UMAD1: variants seen among roughly 807,000 people sequenced by gnomAD.
UMAD1 encodes UBAP1-MVB12-associated (UMA) domain containing 1.
A neutral mutation model predicts 6.1 loss-of-function variants in UMAD1; 8 were observed. That is an observed-to-expected ratio of 1.30 (90% CI 0.76 to 2.35). UMAD1 has a LOEUF of 2.35. Ranked by LOEUF, UMAD1 falls within the 30% of genes most tolerant of loss-of-function variation. The pLI is 0.00. For synonymous variants in UMAD1, 56 were observed against 31.4 expected, an observed-to-expected ratio of 1.78 and a Z score of -2.61; for missense variants, 130 against 78.4, an observed-to-expected ratio of 1.66 and a Z score of -2.49.
chr7:7,858,262 T>G (rs530397481), intron 3 of UMAD1, among the ~76,000 whole-genome samples: 1 of 152,334 alleles, frequency 6.6e-6, no homozygotes, highest in African/African-American at 2.4e-5. Flanking sequence ...CAGTAACAGC[T>G]AATATAATTT....
chr7:7,780,625 A>C (rs970606057), intron 2 of UMAD1, among the ~76,000 whole-genome samples: 2 of 152,210 alleles, frequency 1.3e-5, no homozygotes, highest in African/African-American at 4.8e-5. Context: ...CACTCCTTTC[A>C]GTCACTTCAT....
intron 1 of UMAD1, among the ~76,000 whole-genome samples, chr7:7,645,723 GTTTGAACCAAGCTCACATTC>G (rs1173853169): frequency 6.6e-6 from 1 of 151,694 alleles, no homozygotes; most frequent in African/African-American, 2.4e-5. Flanking sequence ...ATTTTTCAGT[GTTTGAACCAAGCTCACATTC>G]TTGGAAGCTT....
intron 3 of UMAD1, among the ~76,000 whole-genome samples, chr7:7,824,737 C>G (rs1783308134): frequency 6.6e-6 from 1 of 152,110 alleles, no homozygotes; most frequent in Admixed American, 6.6e-5. Flanking sequence ...ATAACAAGCA[C>G]TTGAGAAATG....
At chr7:7,832,936 A>G (rs372022168) in intron 3 of UMAD1, among the ~76,000 whole-genome samples, 6 of 152,248 alleles carry the variant, frequency 3.9e-5, no homozygotes, top group Admixed American at 6.5e-5. Flanking sequence ...ACAGGGGGGA[A>G]CGTTTGATGG....
At chr7:7,809,457 C>T (rs1337954298) in intron 3 of UMAD1, among the ~76,000 whole-genome samples, 1 of 151,684 alleles carries the variant, frequency 6.6e-6, no homozygotes, top group East Asian at 1.9e-4. Flanking sequence ...TTATGGGGTA[C>T]GGTGTGATGT....
intron 3 of UMAD1, among the ~76,000 whole-genome samples, chr7:7,858,656 C>G (rs1583877662): frequency 6.6e-6 from 1 of 152,180 alleles, no homozygotes; most frequent in Non-Finnish European, 1.5e-5. Flanking sequence ...AGGCTTTTCT[C>G]TTCCCTAGTT....
chr7:7,788,099 C>T (rs1366044643), intron 2 of UMAD1, among the ~76,000 whole-genome samples: 1 of 152,114 alleles, frequency 6.6e-6, no homozygotes, highest in Non-Finnish European at 1.5e-5. Flanking sequence ...AATACTGTGG[C>T]AAATAAACAC....
At chr7:7,777,398 C>T (rs932048763) in intron 2 of UMAD1, among the ~76,000 whole-genome samples, 5 of 149,436 alleles carry the variant, frequency 3.3e-5, no homozygotes, top group South Asian at 2.1e-4. Flanking sequence ...CCCAGCTACT[C>T]GGGAGGATGA....
chr7:7,642,325 G>GT lies in UMAD1; in HGVS notation c.-64+1513dup, dbSNP rs930760842. On this transcript the variant is annotated intron_variant, in intron 1 of 3. Transcript: ENST00000682710. ...AATAAAGATTTTTTTTTTGTTGTTTGTTTTTTTTTGTTCAGATGGGGCCTC... is the reference window on the plus strand; with the variant it reads ...AATAAAGATTTTTTTTTTGTTGTTTGTTTTTTTTTTGTTCAGATGGGGCCTC... 1.2e-4 allele frequency among the ~76,000 whole-genome samples: 18 copies of GT among 150,224 alleles called. 1 individual carries two copies. Among genetic ancestry groups the GT allele is most frequent in the Admixed American group, 3.3e-4 (5 of 15,072 alleles).
rs61647575 is a variant in UMAD1, at chr7:7,778,226, TTGTGTGTGTGTGTGTGTG to T, written c.83-23411_83-23394del. On this transcript the variant is annotated intron_variant, in intron 2 of 3. Coordinates refer to ENST00000682710, the MANE Select transcript of UMAD1 (RefSeq NM_001302348.2). ...CATCTTGGCTTCTCCAAAACTGGTT[TTGTGTGTGTGTGTGTGTG>T]TGTGTGTGTGTGTGTGTGTGTGTGT... is the stretch of plus-strand genomic sequence containing the variant. 1.0e-4 allele frequency among the ~76,000 whole-genome samples: 13 copies of T among 126,456 alleles called. No homozygotes were observed. The South Asian group carries it at 1.7e-3, about 16-fold the overall frequency. The allele number at this position is 126,456 out of a possible 152,430, so 83.0% of individuals were successfully genotyped here. A position where few individuals can be genotyped will look rare whatever the true frequency, so the allele number is the denominator to read the frequency against.
chr7:7,777,237 C>T lies in UMAD1; in HGVS notation c.83-24433C>T, dbSNP rs181725258. Among the ~76,000 whole-genome samples, 264 of 151,790 alleles carry T rather than the reference C, an allele frequency of 1.7e-3. 2 individuals are homozygous for T. The highest frequency in any genetic ancestry group is 5.9e-3 in the African/African-American group (246 of 41,378). ...AAACAATACTACAGGCTGGGCGTGG[C>T]GGCTCATCCCTGTAATCCCAGTACT... On this transcript the variant is annotated intron_variant, in intron 2 of 3. Transcript: ENST00000682710.
intron 2 of UMAD1, among the ~76,000 whole-genome samples, 195 bp downstream of exon 2, chr7:7,673,648 C>A (rs1779667463): frequency 6.6e-6 from 1 of 151,754 alleles, no homozygotes; most frequent in African/African-American, 2.4e-5. Flanking sequence ...TGAGACTTTT[C>A]TTCCGTGTTG....
At chr7:7,786,513 G>A (rs187767703) in intron 2 of UMAD1, among the ~76,000 whole-genome samples, 83 of 152,236 alleles carry the variant, frequency 5.5e-4, no homozygotes, top group Admixed American at 1.2e-3. Context: ...AGGTAGATGC[G>A]TAGTGTACAG....
At chr7:7,807,298 A>AT (rs1782937246) in intron 3 of UMAD1, among the ~76,000 whole-genome samples, 1 of 152,114 alleles carries the variant, frequency 6.6e-6, no homozygotes, top group South Asian at 2.1e-4. Flanking sequence ...TGTATGATTA[A>AT]TTTTTTATGA....
intron 3 of UMAD1, among the ~76,000 whole-genome samples, chr7:7,827,517 T>C (rs1783372284): frequency 6.6e-6 from 1 of 152,210 alleles, no homozygotes; most frequent in Non-Finnish European, 1.5e-5. Context: ...ACTCATGTTT[T>C]AATACATATA....
chr7:7,795,736 A>G (rs777217097), intron 2 of UMAD1, among the ~76,000 whole-genome samples: 1 of 152,230 alleles, frequency 6.6e-6, no homozygotes, highest in Non-Finnish European at 1.5e-5. Flanking sequence ...TTGTGTAAAC[A>G]GTCATGACGT....
At chr7:7,727,184 G>A (rs79912320) in intron 2 of UMAD1, among the ~76,000 whole-genome samples, 2,005 of 152,338 alleles carry the variant, frequency 0.013, 36 homozygotes, top group African/African-American at 0.037. Context: ...AATGAGGACT[G>A]TAATTCTCAA....
At chr7:7,840,913 C>G (rs533618278) in intron 3 of UMAD1, among the ~76,000 whole-genome samples, 1 of 152,268 alleles carries the variant, frequency 6.6e-6, no homozygotes, top group South Asian at 2.1e-4. Flanking sequence ...CCTGGCTTAG[C>G]AGTCTGCACT....
intron 2 of UMAD1, among the ~76,000 whole-genome samples, chr7:7,681,726 C>T (rs1421802136): frequency 6.6e-6 from 1 of 152,116 alleles, no homozygotes; most frequent in East Asian, 1.9e-4. Flanking sequence ...ATCCAGCAAG[C>T]ATGGCACTAT....
Sources: gnomAD v4.1 joint callset for allele counts (sites outside exome capture counted in the v4.1 genomes callset) on GRCh38, gnomAD v4.1.1 for gene constraint, MANE v1.5 for transcripts, NCBI Gene and HGNC (gene_info 2026-07-23, HGNC 2026-07-21) for gene names.